The following PDE4DIP variants were observed in gnomAD, a reference collection of about 807,000 sequenced individuals.
The protein encoded by PDE4DIP is myomegalin.
A neutral mutation model predicts 221.4 loss-of-function variants in PDE4DIP; 59 were observed. The ratio of observed to expected loss-of-function variants is 0.27; its 90% CI spans 0.22 to 0.33. The LOEUF (loss-of-function observed/expected upper bound fraction) is 0.33, where lower values mean the gene tolerates loss of function less well. Ranked by LOEUF, PDE4DIP falls within the 10% of genes least tolerant of loss-of-function variation. The probability of loss-of-function intolerance (pLI) is 1.00; values close to 1 mark genes in which losing one functional copy is unlikely to be tolerated. For synonymous variants in PDE4DIP, 404 were observed against 815.9 expected (o/e 0.50, Z 8.60); for missense variants, 1,036 against 2,154.2 (o/e 0.48, Z 10.28).
exon 21 of PDE4DIP, chr1:148,981,297 G>A (rs1553542600): frequency 1.9e-6 from 3 of 1,613,652 alleles, no homozygotes; most frequent in Non-Finnish European, 1.7e-6. Flanking sequence ...CTCTGCAGGT[G>A]GAACTGGAAG....
chr1:148,910,854 G>A lies in PDE4DIP; in HGVS notation c.142-18343G>A, dbSNP rs1402457058. ...GAAGGTAAATTAGTTCAGTCACTGC[G>A]GAAAGCAGTTTGGTGATTTCTCAAA... On this transcript the variant is annotated intron_variant, in intron 1 of 43. Transcript: ENST00000369354. 7.7e-4 allele frequency among the ~76,000 whole-genome samples: 81 copies of A among 104,950 alleles called. 32 individuals are homozygous for A. Among genetic ancestry groups the A allele is most frequent in the African/African-American group, 3.1e-3 (75 of 23,854 alleles). The allele number at this position is 104,950 out of a possible 152,430, so 68.9% of individuals were successfully genotyped here.
At chr1:148,919,694 T>G (rs2045034261) in intron 1 of PDE4DIP, among the ~76,000 whole-genome samples, 2 of 151,744 alleles carry the variant, frequency 1.3e-5, no homozygotes, top group Admixed American at 1.3e-4. Context: ...GGTTTTAAAA[T>G]AAAACCCATT....
intron 32 of PDE4DIP, 43 bp downstream of exon 35, chr1:149,012,819 C>T (rs1553606861): frequency 8.0e-7 from 1 of 1,249,246 alleles, no homozygotes; most frequent in Non-Finnish European, 1.1e-6. Context: ...GGCAGCCCCA[C>T]ACTGTGTTGC....
At chr1:148,972,551 T>G in exon 16 of PDE4DIP, 2 of 561,284 alleles carry the variant, frequency 3.6e-6, no homozygotes, top group Non-Finnish European at 3.1e-6. Flanking sequence ...AGCACTTCAT[T>G]GACTGCCAAA....
chr1:148,987,422 C>G (rs2062103657), intron 21 of PDE4DIP, among the ~76,000 whole-genome samples: 1 of 152,152 alleles, frequency 6.6e-6, no homozygotes, highest in South Asian at 2.1e-4. Flanking sequence ...ACATTAAAGT[C>G]AGCAATAGTT....
intron 27 of PDE4DIP, chr1:149,006,203 A>G (rs1429408101): frequency 6.6e-6 from 1 of 151,940 alleles, no homozygotes; most frequent in Non-Finnish European, 1.5e-5. Flanking sequence ...TCTCAATGCT[A>G]TTTGCCATAG....
chr1:149,023,538 C>T (rs1465909517), intron 37 of PDE4DIP, among the ~76,000 whole-genome samples: 1 of 145,196 alleles, frequency 6.9e-6, no homozygotes, highest in Non-Finnish European at 1.5e-5. Flanking sequence ...AATATATATA[C>T]ATATATATAT....
chr1:148,953,104 C>G (rs782527876), intron 5 of PDE4DIP: 2 of 1,613,920 alleles, frequency 1.2e-6, no homozygotes, highest in South Asian at 1.1e-5. Context: ...GCGCGGAGAT[C>G]AAGGCGGGGA....
chr1:149,025,996 C>T (rs1575611453), intron 38 of PDE4DIP: 1 of 150,840 alleles, frequency 6.6e-6, no homozygotes, highest in South Asian at 2.1e-4. Flanking sequence ...ACTCTTCCTT[C>T]TAACCAGGCC....
At chr1:148,967,250 TCA>T (rs1323912345) in intron 12 of PDE4DIP, among the ~76,000 whole-genome samples, 1 of 152,084 alleles carries the variant, frequency 6.6e-6, no homozygotes, top group Non-Finnish European at 1.5e-5. Context: ...CAATTCTTGT[TCA>T]TACATAAGTA....
chr1:148,855,808 G>T (rs587754012), intron 1 of PDE4DIP, among the ~76,000 whole-genome samples: 65 of 144,154 alleles, frequency 4.5e-4, no homozygotes, highest in African/African-American at 1.6e-3. Flanking sequence ...TTGTGGGAGG[G>T]TATTTGGCAA....
In PDE4DIP at chr1:149,030,296, C is replaced by T. The variant is rs1553635749; in HGVS notation, c.6999+18C>T. On this transcript the variant is annotated intron_variant, in intron 43 of 43. Transcript: ENST00000369354. ...ACTTAGAGGTAAGGAAACTACTGCACCAGTCAGAGGCACCAAGCCTGTCCC... is the reference window on the plus strand; with the variant it reads ...ACTTAGAGGTAAGGAAACTACTGCATCAGTCAGAGGCACCAAGCCTGTCCC... The T allele has an allele frequency of 2.6e-6, 4 of 1,537,508 alleles. No homozygotes were observed. In the East Asian group the frequency reaches 9.7e-5, roughly 37 times the overall value.
chr1:148,827,244 C>CTTTTTTTTT (rs67632049), intron 1 of PDE4DIP, among the ~76,000 whole-genome samples: 6 of 34,124 alleles, frequency 1.8e-4, no homozygotes, highest in African/African-American at 5.3e-4. Flanking sequence ...GTGTTATATT[C>CTTTTTTTTT]TTTTTTTTTT....
At chr1:149,028,441 G>T (rs1261624951) in intron 40 of PDE4DIP, 119 bp from the exon 44 acceptor site, 9 of 681,938 alleles carry the variant, frequency 1.3e-5, no homozygotes, top group Admixed American at 5.8e-5. Flanking sequence ...AAATGGTTGT[G>T]TGAGGGCTTC....
intron 41 of PDE4DIP, among the ~76,000 whole-genome samples, chr1:149,029,029 A>G (rs2075979330): frequency 6.6e-6 from 1 of 152,204 alleles, no homozygotes; most frequent in African/African-American, 2.4e-5. Context: ...CTGAAGTTTG[A>G]CTGAGCTGAA....
At chr1:148,989,794 A>G (rs1282237614) in intron 21 of PDE4DIP, among the ~76,000 whole-genome samples, 1 of 152,230 alleles carries the variant, frequency 6.6e-6, no homozygotes, top group Non-Finnish European at 1.5e-5. Flanking sequence ...TTGTACAGGG[A>G]AAGATTTTCC....
chr1:149,013,646 C>G (rs1361478813), intron 32 of PDE4DIP, among the ~76,000 whole-genome samples: 1 of 98,782 alleles, frequency 1.0e-5, no homozygotes, highest in Non-Finnish European at 2.0e-5. Context: ...TGTAAAGAAG[C>G]TTAGGTGAGC....
chr1:148,935,082 C>T (rs1473338807), intron 4 of PDE4DIP, among the ~76,000 whole-genome samples: 5 of 152,000 alleles, frequency 3.3e-5, no homozygotes, highest in East Asian at 2.0e-4. Context: ...GGCATGGTGG[C>T]GCATGCCTGT....
intron 21 of PDE4DIP, chr1:148,990,253 TA>T: frequency 1.0e-6 from 1 of 984,050 alleles, no homozygotes; most frequent in Non-Finnish European, 1.2e-6. Context: ...GAGCAACCCT[TA>T]AAGCTGCCAT....
Sources: allele counts gnomAD v4.1 joint callset (sites outside exome capture counted in the v4.1 genomes callset), GRCh38; gene constraint gnomAD v4.1.1; transcripts MANE v1.5; gene names NCBI Gene and HGNC (gene_info 2026-07-23, HGNC 2026-07-21).